The following NSUN6 variants were observed in gnomAD, a reference collection of about 807,000 sequenced individuals.
NSUN6 encodes the protein tRNA (cytosine(72)-C(5))-methyltransferase NSUN6.
In NSUN6, 64 loss-of-function variants were observed where a neutral mutation model predicts 58.0. The observed-to-expected ratio is 1.10, with a 90% CI of 0.90 to 1.36. NSUN6 has a LOEUF of 1.36. Among genes scored for constraint, NSUN6 ranks in the 40% most tolerant of loss-of-function variants. The pLI is 0.00. For missense variants in NSUN6, 701 were observed against 550.1 expected, an observed-to-expected ratio of 1.27 and a Z score of -2.74; for synonymous variants, 231 against 193.9, an observed-to-expected ratio of 1.19 and a Z score of -1.59.
At chr10:18,607,305 T>A (rs996788431) in intron 6 of NSUN6, among the ~76,000 whole-genome samples, 17 of 152,254 alleles carry the variant, frequency 1.1e-4, no homozygotes, top group African/African-American at 3.9e-4. Context: ...AATCATTATG[T>A]ATGTAAAAAT....
At chr10:18,592,893 CAAAAGA>C (rs955348326) in intron 7 of NSUN6, among the ~76,000 whole-genome samples, 4 of 152,020 alleles carry the variant, frequency 2.6e-5, no homozygotes, top group African/African-American at 9.7e-5. Context: ...TTCTGCACAG[CAAAAGA>C]AACTATCATT....
chr10:18,615,395 T>G (rs1305582780), intron 4 of NSUN6, among the ~76,000 whole-genome samples: 5 of 152,232 alleles, frequency 3.3e-5, no homozygotes, highest in Admixed American at 3.3e-4. Flanking sequence ...CTAAGAGAAC[T>G]GTTAAAATCA....
At chr10:18,656,684 C>G (rs535250079), upstream of NSUN6, among the ~76,000 whole-genome samples, 154 of 152,066 alleles carry the variant, frequency 1.0e-3, no homozygotes, top group African/African-American at 3.6e-3. Flanking sequence ...TTTGAATTCC[C>G]GAGTTGTTTG....
At position 18,641,797 on chromosome 10, in the gene NSUN6, C is replaced by T. The variant is rs1436655469; in HGVS notation, c.311+679G>A. ...GAATAAAATTTTACAGGCTGGGCAA[C>T]GTGGCTCACATCAGTAATCCCAATA... On this transcript the variant is annotated intron_variant, in intron 3 of 10. Transcript: ENST00000377304. 2.6e-5 allele frequency among the ~76,000 whole-genome samples: 4 copies of T among 152,134 alleles called. No homozygotes were observed. In the South Asian group the frequency reaches 6.2e-4, roughly 24 times the overall value.
intron 7 of NSUN6, among the ~76,000 whole-genome samples, chr10:18,592,544 GACCTCAGAA>G (rs1429099380): frequency 6.6e-6 from 1 of 152,110 alleles, no homozygotes; most frequent in Non-Finnish European, 1.5e-5. Flanking sequence ...ACAGAACAGA[GACCTCAGAA>G]ATAACAACAC....
At chr10:18,628,905 G>A (rs944617717) in intron 3 of NSUN6, among the ~76,000 whole-genome samples, 38 of 152,118 alleles carry the variant, frequency 2.5e-4, no homozygotes, top group Middle Eastern at 3.4e-3. Flanking sequence ...TACAGAGAAC[G>A]CCACAAAGAT....
chr10:18,571,506 C>G (rs1235900644), intron 8 of NSUN6, among the ~76,000 whole-genome samples: 1 of 150,898 alleles, frequency 6.6e-6, no homozygotes, highest in African/African-American at 2.4e-5. Flanking sequence ...CCATTCCATT[C>G]CCCATTCTAT....
Position 18,651,325 on chromosome 10 carries a change from G to A in NSUN6, c.-122C>T. On this transcript the variant is annotated 5_prime_UTR_variant, in exon 1 of 11. Transcript: ENST00000377304. ...ACCAGATGCTGAGGAAAATCTTGCC[G>A]ATCACGCTGAGTTAATTTCGGAAAT... The A allele has an allele frequency of 2.1e-6, 3 of 1,406,786 alleles. No individual in the cohort carries two copies. Among genetic ancestry groups the A allele is most frequent in the Non-Finnish European group, 2.8e-6 (3 of 1,085,932 alleles). 87.1% of individuals were successfully genotyped at this position (1,406,786 alleles called of 1,614,324 possible). A position where few individuals can be genotyped will look rare whatever the true frequency, so the allele number is the denominator to read the frequency against.
At chr10:18,552,725 T>C (rs2054686308) in intron 8 of NSUN6, among the ~76,000 whole-genome samples, 1 of 150,370 alleles carries the variant, frequency 6.7e-6, no homozygotes, top group African/African-American at 2.4e-5. Flanking sequence ...CATTCCATTC[T>C]CCATTCCACT....
chr10:18,641,745 A>G (rs1406108888), intron 3 of NSUN6, among the ~76,000 whole-genome samples: 1 of 152,192 alleles, frequency 6.6e-6, no homozygotes, highest in Non-Finnish European at 1.5e-5. Context: ...AATGGGACAC[A>G]GTAGTTTAAC....
intron 8 of NSUN6, among the ~76,000 whole-genome samples, chr10:18,567,297 C>G (rs1021780501): frequency 1.3e-5 from 2 of 151,076 alleles, no homozygotes; most frequent in African/African-American, 2.4e-5. Flanking sequence ...ATTTTCTATA[C>G]CATCCTCCAT....
chr10:18,600,767 A>T (rs1462419952), intron 6 of NSUN6, among the ~76,000 whole-genome samples: 1 of 151,164 alleles, frequency 6.6e-6, no homozygotes, highest in East Asian at 2.0e-4. Flanking sequence ...ACCTCTACTA[A>T]AAATACAAAA....
At chr10:18,554,401 G>C (rs1220830266) in intron 8 of NSUN6, among the ~76,000 whole-genome samples, 1 of 151,134 alleles carries the variant, frequency 6.6e-6, no homozygotes, top group Admixed American at 6.6e-5. Context: ...GAATGAAATG[G>C]AGAATGGAAT....
Position 18,545,867 on chromosome 10 carries a change from T to TGAAAAAAA in NSUN6, c.*65_*66insTTTTTTTC. On this transcript the variant is annotated 3_prime_UTR_variant, in exon 11 of 11. Coordinates refer to ENST00000377304, the MANE Select transcript of NSUN6 (RefSeq NM_182543.5). ...TTCAGTTGGCCTGACAACACTTTGG[T>TGAAAAAAA]TAAAAAAAAAAAAACCACAGACAGC... 4.1e-6 allele frequency: 1 copy of TGAAAAAAA among 244,584 alleles called. No individual in the cohort carries two copies. Among genetic ancestry groups the TGAAAAAAA allele is most frequent in the Admixed American group, 9.1e-5 (1 of 11,002 alleles). 15.2% of individuals were successfully genotyped at this position (244,584 alleles called of 1,614,324 possible).
At chr10:18,567,848 C>A (rs1399738866) in intron 8 of NSUN6, among the ~76,000 whole-genome samples, 1 of 150,758 alleles carries the variant, frequency 6.6e-6, no homozygotes, top group East Asian at 2.0e-4. Context: ...CTACTCCATT[C>A]CATTTTCCAT....
intron 8 of NSUN6, among the ~76,000 whole-genome samples, chr10:18,553,802 G>C (rs2054779715): frequency 6.6e-6 from 1 of 151,650 alleles, no homozygotes; most frequent in Non-Finnish European, 1.5e-5. Context: ...ATGGAGAATG[G>C]AATGGAATGC....
intron 7 of NSUN6, among the ~76,000 whole-genome samples, chr10:18,594,684 C>T (rs1427496880): frequency 1.3e-5 from 2 of 152,134 alleles, no homozygotes; most frequent in East Asian, 3.9e-4. Context: ...CTCTTAACCT[C>T]GTGATCCAAT....
At position 18,626,961 on chromosome 10, in the gene NSUN6, A is replaced by C. The variant is rs150156493; in HGVS notation, c.312-10668T>G. ...AAAGGGAGGAGCACGAATTGAGAGA[A>C]TACAGAAATTCCTTAAAATTACAAA... On this transcript the variant is annotated intron_variant, in intron 3 of 10. Coordinates refer to ENST00000377304, the MANE Select transcript of NSUN6 (RefSeq NM_182543.5). 2.0e-3 allele frequency among the ~76,000 whole-genome samples: 309 copies of C among 152,328 alleles called. 6 individuals are homozygous for C. In the East Asian group the frequency reaches 0.036, roughly 18 times the overall value.
intron 8 of NSUN6, among the ~76,000 whole-genome samples, chr10:18,553,130 T>A (rs541224719): frequency 9.2e-5 from 14 of 151,406 alleles, no homozygotes; most frequent in Admixed American, 2.6e-4. Context: ...GATTCTCCAT[T>A]CCATTCCATT....
Sources: allele counts gnomAD v4.1 joint callset (sites outside exome capture counted in the v4.1 genomes callset), GRCh38; gene constraint gnomAD v4.1.1; transcripts MANE v1.5; gene names NCBI Gene and HGNC (gene_info 2026-07-23, HGNC 2026-07-21).